The following MKRN2OS variants were observed in gnomAD, a reference collection of about 807,000 sequenced individuals.
MKRN2OS encodes the protein MKRN2 opposite strand protein.
In MKRN2OS, 17 loss-of-function variants were observed where a neutral mutation model predicts 18.2. The observed-to-expected ratio is 0.93, with a 90% CI of 0.64 to 1.40. MKRN2OS has a LOEUF of 1.40. MKRN2OS is among the 40% of genes most tolerant of loss of function. MKRN2OS has a pLI of 0.00. For synonymous variants in MKRN2OS, 121 were observed against 108.5 expected, an observed-to-expected ratio of 1.12 and a Z score of -0.72; for missense variants, 337 against 283.0, an observed-to-expected ratio of 1.19 and a Z score of -1.37.
At chr3:12,556,976 G>A (rs1186481321) in intron 1 of MKRN2OS, 1 of 627,616 alleles carries the variant, frequency 1.6e-6, no homozygotes, top group Non-Finnish European at 2.3e-6. Flanking sequence ...AACCAATTGT[G>A]ACGACGGCTA....
At chr3:12,542,592 G>T (rs1365851570) in intron 2 of MKRN2OS, among the ~76,000 whole-genome samples, 1 of 151,942 alleles carries the variant, frequency 6.6e-6, no homozygotes, top group Non-Finnish European at 1.5e-5. Context: ...TACACATCCT[G>T]CAGGTGGCTC....
intron 1 of MKRN2OS, among the ~76,000 whole-genome samples, chr3:12,543,892 CAAAA>C (rs10539183): frequency 2.0e-4 from 25 of 127,150 alleles, no homozygotes; most frequent in African/African-American, 1.9e-4. Context: ...ACCCTGGTCT[CAAAA>C]AAAAAAAAAA....
Position 12,541,904 on chromosome 3 carries a change from C to G in MKRN2OS, c.387G>C (p.Lys129Asn). The G allele has an allele frequency of 6.5e-7, 1 of 1,536,070 alleles. No homozygotes were observed. Among genetic ancestry groups the G allele is most frequent in the Non-Finnish European group, 8.7e-7 (1 of 1,146,878 alleles). ...CCGAGGTGGAGAAGTCTTCCAGGTA[C>G]TTGTCCCATTGCTCCATCATTCCAT... ...NMYGMMEQWD[K>N]YLEDFSTSGA... Residue 129 changes from lysine (K) to asparagine (N), a missense_variant, in exon 3 of 4, where the codon AAG becomes AAC. Lys to Asn is a moderately conservative substitution (Grantham distance 94). Transcript: ENST00000564146.
chr3:12,547,545 C>T (rs984705009), upstream of MKRN2OS, among the ~76,000 whole-genome samples: 1 of 152,070 alleles, frequency 6.6e-6, no homozygotes, highest in African/African-American at 2.4e-5. Flanking sequence ...CAGAACAAAA[C>T]AAAAACCCTC....
chr3:12,557,093 G>C (rs1182066693), intron 1 of MKRN2OS: 4 of 1,439,160 alleles, frequency 2.8e-6, no homozygotes, highest in South Asian at 2.6e-5. Context: ...GGCCAAGGCC[G>C]AGGCGGCAGC....
downstream of MKRN2OS, among the ~76,000 whole-genome samples, chr3:12,553,254 A>G (rs1203986798): frequency 3.3e-5 from 5 of 152,174 alleles, no homozygotes; most frequent in African/African-American, 1.2e-4. Flanking sequence ...TCTCTCATAC[A>G]CAAGGATGCA....
chr3:12,543,153 T>A, intron 2 of MKRN2OS, 27 bp downstream of exon 2: 5 of 1,526,604 alleles, frequency 3.3e-6, no homozygotes, highest in Non-Finnish European at 4.4e-6. Flanking sequence ...GTAGTAGGGG[T>A]TTTTTAAGCT....
intron 1 of MKRN2OS, among the ~76,000 whole-genome samples, chr3:12,557,749 C>T (rs2057992661): frequency 6.6e-6 from 1 of 152,226 alleles, no homozygotes; most frequent in Non-Finnish European, 1.5e-5. Flanking sequence ...TATTCATTAT[C>T]ATCAGACTTC....
At chr3:12,540,530 G>C (rs2057783054) in intron 3 of MKRN2OS, 97 bp from the exon 4 acceptor site, 2 of 1,395,206 alleles carry the variant, frequency 1.4e-6, no homozygotes, top group African/African-American at 2.8e-5. Context: ...GGGTGCCTCA[G>C]CAAGCAAGGC....
At chr3:12,554,767 G>A (rs1397176030) in intron 1 of MKRN2OS, among the ~76,000 whole-genome samples, 1 of 152,014 alleles carries the variant, frequency 6.6e-6, no homozygotes, top group Admixed American at 6.6e-5. Context: ...TCTACAAAAA[G>A]GAGAAAATAA....
At chr3:12,548,503 A>G (rs2057905046), upstream of MKRN2OS, among the ~76,000 whole-genome samples, 1 of 146,548 alleles carries the variant, frequency 6.8e-6, no homozygotes, top group African/African-American at 2.5e-5. Context: ...GTGGTGGCAG[A>G]CATCTGTAGT....
In MKRN2OS at chr3:12,540,456, T is replaced by C. The variant is rs1272552715; in HGVS notation, c.432-23A>G. On this transcript the variant is annotated intron_variant, in intron 3 of 3. Coordinates refer to ENST00000564146, the MANE Select transcript of MKRN2OS (RefSeq NM_001195279.2). ...TACCTTATGGAGGAGAATAAGGGTG[T>C]TGAGAAGAAAAGGCTGCTCAGAACA... The C allele has an allele frequency of 5.2e-6, 8 of 1,535,658 alleles. No individual in the cohort carries two copies. The African/African-American group carries it at 9.6e-5, about 18-fold the overall frequency.
At chr3:12,557,479 T>C (rs2057988213) in intron 1 of MKRN2OS, among the ~76,000 whole-genome samples, 2 of 152,254 alleles carry the variant, frequency 1.3e-5, no homozygotes, top group Admixed American at 1.3e-4. Flanking sequence ...GCCGGGGCGC[T>C]GTCGGGAAGG....
chr3:12,540,721 A>G (rs1018283577), intron 3 of MKRN2OS, among the ~76,000 whole-genome samples: 1 of 151,966 alleles, frequency 6.6e-6, no homozygotes, highest in Non-Finnish European at 1.5e-5. Context: ...AAAAAATACA[A>G]GTTAGCTGGG....
In MKRN2OS at chr3:12,540,409, G is replaced by A; in HGVS notation, c.456C>T (p.Cys152=). The A allele has an allele frequency of 6.5e-7, 1 of 1,536,142 alleles. No homozygotes were observed. The highest frequency in any genetic ancestry group is 8.7e-7 in the Non-Finnish European group (1 of 1,146,906). The part of the protein sequence containing the change: ...PHRYEDNHHN[C]YSYALTFINC... The stretch of plus-strand genomic sequence containing the variant: ...TAATGAACGTGAGTGCGTAAGAGTA[G>A]CAGTTATGGTGGTTGTCTTCATACC... Residue 152 remains cysteine (C), a synonymous_variant, in exon 4 of 4, where the codon TGC becomes TGT. Transcript: ENST00000564146.
chr3:12,548,677 T>C (rs922006691), upstream of MKRN2OS, among the ~76,000 whole-genome samples: 2 of 152,152 alleles, frequency 1.3e-5, no homozygotes, highest in African/African-American at 4.8e-5. Context: ...GTTAGGTTGC[T>C]TCAGTGACCC....
chr3:12,553,540 C>T (rs148858791), downstream of MKRN2OS, among the ~76,000 whole-genome samples: 2 of 151,708 alleles, frequency 1.3e-5, no homozygotes, highest in East Asian at 3.9e-4. Flanking sequence ...AAATCTAGGG[C>T]TAACATTTTA....
At chr3:12,558,407 A>G (rs2058002938) in intron 1 of MKRN2OS, among the ~76,000 whole-genome samples, 1 of 152,126 alleles carries the variant, frequency 6.6e-6, no homozygotes, top group Non-Finnish European at 1.5e-5. Context: ...AAGTATTCCT[A>G]GGTCATTGTG....
chr3:12,543,804 A>G (rs937387785), intron 1 of MKRN2OS, among the ~76,000 whole-genome samples: 5 of 151,580 alleles, frequency 3.3e-5, no homozygotes, highest in African/African-American at 1.2e-4. Flanking sequence ...AGACACGAGA[A>G]TCGCTTGAAC....
Sources: allele counts gnomAD v4.1 joint callset (sites outside exome capture counted in the v4.1 genomes callset), GRCh38; gene constraint gnomAD v4.1.1; transcripts MANE v1.5; gene names NCBI Gene and HGNC (gene_info 2026-07-23, HGNC 2026-07-21).